The following DDI2 variants were observed in gnomAD, a reference collection of about 807,000 sequenced individuals.
The protein encoded by DDI2 is protein DDI1 homolog 2.
Under a neutral mutation model 48.1 loss-of-function variants are expected in DDI2, and 5 were observed. The observed-to-expected ratio is 0.10, with a 90% CI of 0.05 to 0.22. DDI2 has a LOEUF of 0.22. Ranked by LOEUF, DDI2 falls within the 10% of genes least tolerant of loss-of-function variation. The pLI is 1.00. For synonymous variants in DDI2, 205 were observed against 183.6 expected, an observed-to-expected ratio of 1.12 and a Z score of -0.94; for missense variants, 285 against 506.2, an observed-to-expected ratio of 0.56 and a Z score of 4.19.
intron 6 of DDI2, among the ~76,000 whole-genome samples, chr1:15,649,100 A>T (rs1469229227): frequency 6.6e-6 from 1 of 152,132 alleles, no homozygotes; most frequent in Non-Finnish European, 1.5e-5. Context: ...GCAGTGGCTC[A>T]CGCCTGTAAT....
Position 15,667,004 on chromosome 1 carries a change from T to G in DDI2, c.*7214T>G, listed in dbSNP as rs1159841770. On this transcript the variant is annotated 3_prime_UTR_variant, in exon 10 of 10. Transcript: ENST00000480945. Reference sequence around the variant, plus strand: ...GGTGGGTGGATATGAGGTCAGGAGGTCGAGACCAGCCTGGCCAATATGATG... The same window carrying G: ...GGTGGGTGGATATGAGGTCAGGAGGGCGAGACCAGCCTGGCCAATATGATG... 1.3e-5 allele frequency: 2 copies of G among 151,782 alleles called. No homozygotes were observed. Among genetic ancestry groups the G allele is most frequent in the African/African-American group, 4.8e-5 (2 of 41,288 alleles). 9.4% of individuals were successfully genotyped at this position (151,782 alleles called of 1,614,324 possible).
At chr1:15,618,599 G>A (rs1289038993) in intron 1 of DDI2, among the ~76,000 whole-genome samples, 4 of 152,124 alleles carry the variant, frequency 2.6e-5, no homozygotes, top group Admixed American at 6.5e-5. Flanking sequence ...AGTGCTGTTT[G>A]GTGGTTTCAT....
intron 9 of DDI2, 128 bp from the exon 10 acceptor site, chr1:15,659,709 G>C: frequency 1.1e-6 from 1 of 872,694 alleles, no homozygotes. Context: ...ATTTCTATTT[G>C]TGTAAGAGAA....
At chr1:15,626,819 G>A in intron 2 of DDI2, 21 bp downstream of exon 2, 1 of 1,614,010 alleles carries the variant, frequency 6.2e-7, no homozygotes, top group Non-Finnish European at 8.5e-7. Context: ...TGGTGGTTGA[G>A]CATCCCCCAG....
intron 6 of DDI2, among the ~76,000 whole-genome samples, chr1:15,647,515 A>G (rs942981522): frequency 1.3e-5 from 2 of 152,116 alleles, no homozygotes; most frequent in African/African-American, 4.8e-5. Context: ...CCCCCTAGTC[A>G]AGATTCCTAT....
intron 5 of DDI2, among the ~76,000 whole-genome samples, chr1:15,642,796 A>G (rs1640030625): frequency 6.6e-6 from 1 of 152,160 alleles, no homozygotes; most frequent in Non-Finnish European, 1.5e-5. Context: ...TGCCGGGTGC[A>G]GTGGCTCACG....
At position 15,664,752 on chromosome 1, in the gene DDI2, A is replaced by G. The variant is rs999914574; in HGVS notation, c.*4962A>G. ...CAAGGGCGGTCTCTGTTTCTTCACC[A>G]GAGAGAGAAGATTTTCCTGTGTAAT... On this transcript the variant is annotated 3_prime_UTR_variant, in exon 10 of 10. Coordinates refer to ENST00000480945, the MANE Select transcript of DDI2 (RefSeq NM_032341.5). 5.9e-5 allele frequency: 9 copies of G among 152,208 alleles called. No homozygotes were observed. The highest frequency in any genetic ancestry group is 2.2e-4 in the African/African-American group (9 of 41,444). The allele number at this position is 152,208 out of a possible 1,614,324, so 9.4% of individuals were successfully genotyped here.
intron 4 of DDI2, chr1:15,634,371 A>C (rs902458330): frequency 6.6e-6 from 1 of 152,646 alleles, no homozygotes; most frequent in Non-Finnish European, 1.5e-5. Flanking sequence ...TAGTATAACT[A>C]AGAAGAAGAT....
At chr1:15,643,073 A>C (rs146082663) in intron 5 of DDI2, among the ~76,000 whole-genome samples, 3,349 of 152,190 alleles carry the variant, frequency 0.022, 42 homozygotes, top group African/African-American at 0.032. Flanking sequence ...TCAACAACAA[A>C]AAAAAAAACA....
rs1640376328 is a variant in DDI2, at chr1:15,661,426, T to C, written c.*1636T>C. 4 of 1,614,046 alleles carry C rather than the reference T, an allele frequency of 2.5e-6. No homozygotes were observed. The highest frequency in any genetic ancestry group is 3.3e-5 in the Admixed American group (2 of 59,966). On this transcript the variant is annotated 3_prime_UTR_variant, in exon 10 of 10. Transcript: ENST00000480945. ...TAAGTCTTTGTCATCCAATTTCATATTGGTTAAAGACTTAGGTCAGGGCAT... is the reference window on the plus strand; with the variant it reads ...TAAGTCTTTGTCATCCAATTTCATACTGGTTAAAGACTTAGGTCAGGGCAT...
rs550425991 is a variant in DDI2, at chr1:15,657,048, A to G, written c.*46+369A>G. 5.9e-5 allele frequency: 10 copies of G among 170,284 alleles called. 1 individual carries two copies. The South Asian group carries it at 1.5e-3, about 25-fold the overall frequency. The allele number at this position is 170,284 out of a possible 1,614,324, so 10.5% of individuals were successfully genotyped here. On this transcript the variant is annotated intron_variant, in intron 9 of 9. Coordinates refer to ENST00000480945, the MANE Select transcript of DDI2 (RefSeq NM_032341.5). Reference sequence around the variant, plus strand: ...GTTTCATAAGTGCCTTTCCTCTGAAAAACTGAAAGCTGTTCTTTTACATTA... The same window carrying G: ...GTTTCATAAGTGCCTTTCCTCTGAAGAACTGAAAGCTGTTCTTTTACATTA...
intron 1 of DDI2, among the ~76,000 whole-genome samples, chr1:15,625,626 C>A (rs1166906271): frequency 6.6e-6 from 1 of 152,034 alleles, no homozygotes; most frequent in African/African-American, 2.4e-5. Flanking sequence ...CAGTCTCCCC[C>A]CTCCCACCAC....
chr1:15,629,711 T>C (rs989542660), intron 2 of DDI2, among the ~76,000 whole-genome samples: 16 of 152,060 alleles, frequency 1.1e-4, no homozygotes, highest in Non-Finnish European at 2.2e-4. Context: ...ATTATATTTA[T>C]TGAAACTAGC....
chr1:15,632,547 T>C (rs1254330930), intron 3 of DDI2, among the ~76,000 whole-genome samples: 2 of 151,952 alleles, frequency 1.3e-5, no homozygotes, highest in African/African-American at 4.8e-5. Context: ...AAAAAAGAAA[T>C]TGCAAAATAG....
chr1:15,630,150 C>T (rs1224015901), intron 2 of DDI2, among the ~76,000 whole-genome samples, 175 bp from the exon 3 acceptor site: 2 of 152,094 alleles, frequency 1.3e-5, no homozygotes, highest in Non-Finnish European at 2.9e-5. Flanking sequence ...TCTATCGATT[C>T]ACTCTCAGCC....
In DDI2 at chr1:15,667,848, G is replaced by A. The variant is rs1195464634; in HGVS notation, c.*8058G>A. On this transcript the variant is annotated 3_prime_UTR_variant, in exon 10 of 10. Transcript: ENST00000480945. ...GATGATTGGTAATCTAGACCCTCTG[G>A]AGGCTGTAGAATGTGAAAAGATACA... The A allele has an allele frequency of 6.6e-6, 1 of 152,126 alleles. No homozygotes were observed. Among genetic ancestry groups the A allele is most frequent in the Non-Finnish European group, 1.5e-5 (1 of 68,040 alleles). The allele number at this position is 152,126 out of a possible 1,614,324, so 9.4% of individuals were successfully genotyped here.
At chr1:15,620,274 C>CT (rs1639637276) in intron 1 of DDI2, among the ~76,000 whole-genome samples, 1 of 152,138 alleles carries the variant, frequency 6.6e-6, no homozygotes, top group African/African-American at 2.4e-5. Flanking sequence ...TTTAAGGTGT[C>CT]TGGTGGTCGG....
At chr1:15,617,965 C>G (rs1442509165) in intron 1 of DDI2, among the ~76,000 whole-genome samples, 157 bp downstream of exon 1, 2 of 152,220 alleles carry the variant, frequency 1.3e-5, no homozygotes, top group African/African-American at 4.8e-5. Context: ...AGCTGGGGAG[C>G]TGGCATCAGT....
intron 8 of DDI2, among the ~76,000 whole-genome samples, chr1:15,655,474 G>T (rs529981524): frequency 6.6e-6 from 1 of 151,284 alleles, no homozygotes; most frequent in Admixed American, 6.6e-5. Flanking sequence ...AACCACGGCT[G>T]GGCGCAGTGA....
Sources: allele counts gnomAD v4.1 joint callset (sites outside exome capture counted in the v4.1 genomes callset), GRCh38; gene constraint gnomAD v4.1.1; transcripts MANE v1.5; gene names NCBI Gene and HGNC (gene_info 2026-07-23, HGNC 2026-07-21).